BMPR2: variants seen among roughly 807,000 people sequenced by gnomAD.
The protein encoded by BMPR2 is bone morphogenetic protein receptor type-2.
A neutral mutation model predicts 100.8 loss-of-function variants in BMPR2; 29 were observed. The ratio of observed to expected loss-of-function variants is 0.29; its 90% CI spans 0.21 to 0.39. BMPR2 has a LOEUF of 0.39. Ranked by LOEUF, BMPR2 falls within the 10% of genes least tolerant of loss-of-function variation. The probability of loss-of-function intolerance (pLI) is 1.00; values close to 1 mark genes in which losing one functional copy is unlikely to be tolerated. For missense variants in BMPR2, 1,011 were observed against 1,274.5 expected (o/e 0.79, Z 3.15); for synonymous variants, 382 against 442.3 (o/e 0.86, Z 1.71).
chr2:202,391,905 G>A (rs1346667967), intron 1 of BMPR2, among the ~76,000 whole-genome samples: 2 of 147,870 alleles, frequency 1.4e-5, no homozygotes, highest in East Asian at 2.0e-4. Context: ...GGGACTACAG[G>A]CGCGCGCCAC....
At chr2:202,513,608 A>T in intron 3 of BMPR2, 111 bp from the exon 4 acceptor site, 1 of 699,198 alleles carries the variant, frequency 1.4e-6, no homozygotes, top group Middle Eastern at 4.0e-4. Flanking sequence ...ATGCAAAAAC[A>T]TTACTAATTT....
intron 1 of BMPR2, among the ~76,000 whole-genome samples, chr2:202,395,479 T>C (rs1015763163): frequency 6.6e-6 from 1 of 152,196 alleles, no homozygotes. Flanking sequence ...GTCCCAGAAC[T>C]GAAGCTATTA....
chr2:202,406,359 G>T (rs1391223502), intron 1 of BMPR2, among the ~76,000 whole-genome samples: 3 of 152,212 alleles, frequency 2.0e-5, no homozygotes, highest in African/African-American at 4.8e-5. Flanking sequence ...TGGCAGAGAA[G>T]ATGCTCTTAC....
intron 7 of BMPR2, among the ~76,000 whole-genome samples, chr2:202,522,859 A>T (rs1687842953): frequency 6.6e-6 from 1 of 152,172 alleles, no homozygotes; most frequent in Non-Finnish European, 1.5e-5. Context: ...ATTCCTTTTC[A>T]TACTCTGAAC....
At chr2:202,432,037 A>G (rs1691516157) in intron 1 of BMPR2, among the ~76,000 whole-genome samples, 1 of 150,600 alleles carries the variant, frequency 6.6e-6, no homozygotes, top group Non-Finnish European at 1.5e-5. Flanking sequence ...ATGTGTGTGC[A>G]TATGTACAAA....
Position 202,559,813 on chromosome 2 carries a change from C to T in BMPR2, c.2984C>T (p.Ser995Leu), listed in dbSNP as rs760077238. 10 of 1,614,124 alleles carry T rather than the reference C, an allele frequency of 6.2e-6. No homozygotes were observed. The highest frequency in any genetic ancestry group is 2.2e-5 in the East Asian group (1 of 44,886). ...RPSTWVISTESLDCEVNNNGS... is the reference protein window; with the variant it reads ...RPSTWVISTELLDCEVNNNGS... Reference sequence around the variant, plus strand: ...TCCACCTGGGTCATCTCCACTGAATCGCTGGACTGTGAAGTCAACAATAAT... The same window carrying T: ...TCCACCTGGGTCATCTCCACTGAATTGCTGGACTGTGAAGTCAACAATAAT... The change falls in exon 13 of 13, where the codon TCG becomes TTG. Residue 995 changes from serine (S) to leucine (L), a missense_variant. Transcript: ENST00000374580.
chr2:202,501,757 C>T (rs1221791724), intron 3 of BMPR2, among the ~76,000 whole-genome samples: 2 of 152,222 alleles, frequency 1.3e-5, no homozygotes, highest in African/African-American at 4.8e-5. Flanking sequence ...TACTTAGATA[C>T]CAGGCACTAC....
intron 1 of BMPR2, among the ~76,000 whole-genome samples, chr2:202,393,314 G>A (rs990281790): frequency 3.9e-5 from 6 of 152,122 alleles, no homozygotes; most frequent in Non-Finnish European, 5.9e-5. Flanking sequence ...ATTTTACTAA[G>A]TTTCTCTCAT....
At chr2:202,421,972 G>A (rs1471157946) in intron 1 of BMPR2, among the ~76,000 whole-genome samples, 3 of 152,098 alleles carry the variant, frequency 2.0e-5, no homozygotes, top group South Asian at 2.1e-4. Context: ...GCAGTGGTGC[G>A]ATCTCGGCTC....
Position 202,545,290 on chromosome 2 carries a change from G to C in BMPR2, c.1413+2843G>C, listed in dbSNP as rs1688357030. On this transcript the variant is annotated intron_variant, in intron 10 of 12. Coordinates refer to ENST00000374580, the MANE Select transcript of BMPR2 (RefSeq NM_001204.7). Reference sequence around the variant, plus strand: ...GCTTTATCTTCAAATGACCCATTTAGTTTTCACTATTACCCTTGTATCAGT... The same window carrying C: ...GCTTTATCTTCAAATGACCCATTTACTTTTCACTATTACCCTTGTATCAGT... Among the ~76,000 whole-genome samples the C allele has an allele frequency of 9.8e-5, 3 of 30,544 alleles. 1 individual carries two copies. The South Asian group carries it at 2.8e-3, about 29-fold the overall frequency. 20.0% of individuals were successfully genotyped at this position (30,544 alleles called of 152,430 possible). A position where few individuals can be genotyped will look rare whatever the true frequency, so the allele number is the denominator to read the frequency against.
chr2:202,399,029 G>A (rs1055060715), intron 1 of BMPR2, among the ~76,000 whole-genome samples: 3 of 152,158 alleles, frequency 2.0e-5, no homozygotes, highest in African/African-American at 7.2e-5. Flanking sequence ...TCGGGAGGCT[G>A]AGGCAGGAGA....
At chr2:202,388,320 C>G (rs1346015358) in intron 1 of BMPR2, among the ~76,000 whole-genome samples, 1 of 144,042 alleles carries the variant, frequency 6.9e-6, no homozygotes, top group Non-Finnish European at 1.5e-5. Context: ...TCGCTTGAAC[C>G]CGGGAGATGG....
intron 3 of BMPR2, among the ~76,000 whole-genome samples, chr2:202,497,344 C>T (rs530745253): frequency 6.6e-5 from 10 of 152,348 alleles, no homozygotes; most frequent in East Asian, 1.9e-4. Flanking sequence ...GGACCCCTTT[C>T]GCTTGCTATT....
At chr2:202,456,513 C>T (rs902537899) in intron 1 of BMPR2, among the ~76,000 whole-genome samples, 21 of 132,962 alleles carry the variant, frequency 1.6e-4, no homozygotes, top group African/African-American at 5.4e-4. Context: ...TTCTTTCTTT[C>T]TTTCTTTTTT....
At chr2:202,440,600 G>A (rs1247933037) in intron 1 of BMPR2, among the ~76,000 whole-genome samples, 1 of 150,750 alleles carries the variant, frequency 6.6e-6, no homozygotes, top group Non-Finnish European at 1.5e-5. Flanking sequence ...CGGCACTTTG[G>A]GAGGCCAAGG....
rs541505988 is a variant in BMPR2, at chr2:202,503,432, C to T, written c.419-10287C>T. ...GCGGCGTGCCGCGCTTGCGGGCCAG[C>T]CGGAGTTCCGGTTGGGCATGGGCTT... is the stretch of plus-strand genomic sequence containing the variant. On this transcript the variant is annotated intron_variant, in intron 3 of 12. Coordinates refer to ENST00000374580, the MANE Select transcript of BMPR2 (RefSeq NM_001204.7). This position sits in a 1 kb window ranked among gnomAD's most constrained non-coding sequence, Gnocchi z 4.0. 6.6e-4 allele frequency among the ~76,000 whole-genome samples: 101 copies of T among 152,370 alleles called. 1 individual carries two copies. Among genetic ancestry groups the T allele is most frequent in the African/African-American group, 2.3e-3 (95 of 41,596 alleles).
At chr2:202,405,339 C>G (rs1690867156) in intron 1 of BMPR2, among the ~76,000 whole-genome samples, 1 of 151,982 alleles carries the variant, frequency 6.6e-6, no homozygotes, top group African/African-American at 2.4e-5. Flanking sequence ...GGTAGGGTGA[C>G]TATATAATTT....
intron 7 of BMPR2, among the ~76,000 whole-genome samples, chr2:202,527,322 TA>T (rs1687932703): frequency 6.7e-6 from 1 of 150,322 alleles, no homozygotes; most frequent in Non-Finnish European, 1.5e-5. Context: ...CTGTCTCTAC[TA>T]AAAATACAAA....
At chr2:202,403,120 G>C (rs561177160) in intron 1 of BMPR2, among the ~76,000 whole-genome samples, 1 of 149,806 alleles carries the variant, frequency 6.7e-6, no homozygotes, top group African/African-American at 2.5e-5. Flanking sequence ...GAGCCACCGC[G>C]CCTGGCTGTC....
Sources: gnomAD v4.1 joint callset for allele counts (sites outside exome capture counted in the v4.1 genomes callset) on GRCh38, gnomAD v4.1.1 for gene constraint, Gnocchi (gnomAD v3.1) non-coding constraint, MANE v1.5 for transcripts, NCBI Gene and HGNC (gene_info 2026-07-23, HGNC 2026-07-21) for gene names.